The following RO60 variants were observed in gnomAD, a reference collection of about 807,000 sequenced individuals.
The protein encoded by RO60 is Ro60, Y RNA binding protein.
A neutral mutation model predicts 55.3 loss-of-function variants in RO60; 20 were observed. The ratio of observed to expected loss-of-function variants is 0.36; its 90% CI spans 0.25 to 0.53. The LOEUF is 0.53. Ranked by LOEUF, RO60 falls within the 20% of genes least tolerant of loss-of-function variation. The pLI is 0.92. For synonymous variants in RO60, 213 were observed against 213.6 expected (o/e 1.00, Z 0.02); for missense variants, 558 against 646.6 (o/e 0.86, Z 1.49).
chr1:193,079,380 C>T (rs1041010381), intron 5 of RO60, among the ~76,000 whole-genome samples: 7 of 152,184 alleles, frequency 4.6e-5, no homozygotes, highest in African/African-American at 1.2e-4. Flanking sequence ...TGAACCACTG[C>T]ATCTGGATGT....
chr1:193,066,812 C>T (rs1314401294), intron 1 of RO60, among the ~76,000 whole-genome samples: 1 of 152,184 alleles, frequency 6.6e-6, no homozygotes, highest in South Asian at 2.1e-4. Context: ...TATGGCTCTA[C>T]AGGATGCTTA....
At chr1:193,076,725 C>A in intron 4 of RO60, 78 bp downstream of exon 4, 4 of 1,436,560 alleles carry the variant, frequency 2.8e-6, no homozygotes. Context: ...GCCGTCAGTG[C>A]ATTTTTAAGG....
intron 8 of RO60, among the ~76,000 whole-genome samples, chr1:193,083,461 A>T (rs1158742530): frequency 2.6e-5 from 4 of 152,212 alleles, no homozygotes; most frequent in Non-Finnish European, 4.4e-5. Flanking sequence ...TCACTCTCCA[A>T]TGTGGGTTGC....
At chr1:193,079,961 TAAAAAAAAAAAAA>T (rs754439147) in intron 5 of RO60, among the ~76,000 whole-genome samples, 1 of 115,610 alleles carries the variant, frequency 8.6e-6, no homozygotes, top group Non-Finnish European at 1.8e-5. Context: ...ACCCCGTCTC[TAAAAAAAAAAAAA>T]AAAAAAATTA....
At chr1:193,072,525 TTTTGTG>T (rs1340897971) in intron 2 of RO60, among the ~76,000 whole-genome samples, 2 of 152,088 alleles carry the variant, frequency 1.3e-5, no homozygotes, top group Non-Finnish European at 2.9e-5. Flanking sequence ...TAGGTTTATG[TTTTGTG>T]TTAGGATTAG....
chr1:193,084,321 A>T (rs753621355), intron 8 of RO60, among the ~76,000 whole-genome samples: 1 of 152,238 alleles, frequency 6.6e-6, no homozygotes, highest in South Asian at 2.1e-4. Flanking sequence ...AGGCTGCTCA[A>T]TAATGTACAC....
intron 1 of RO60, among the ~76,000 whole-genome samples, chr1:193,065,407 A>G (rs563708319): frequency 6.6e-6 from 1 of 152,340 alleles, no homozygotes; most frequent in South Asian, 2.1e-4. Flanking sequence ...CAGGAAAGCA[A>G]GTTTAGTAGA....
chr1:193,081,612 T>C (rs1674318485), intron 6 of RO60, 132 bp downstream of exon 6: 3 of 571,816 alleles, frequency 5.2e-6, no homozygotes, highest in Non-Finnish European at 9.2e-6. Flanking sequence ...TTTTTAATTT[T>C]ATATTTAAAG....
intron 1 of RO60, among the ~76,000 whole-genome samples, chr1:193,061,764 C>T (rs1326144124): frequency 6.6e-6 from 1 of 152,208 alleles, no homozygotes; most frequent in East Asian, 1.9e-4. Flanking sequence ...GCGGGTGGAT[C>T]ACGAGGTCAG....
chr1:193,064,422 G>C (rs1672978009), intron 1 of RO60, among the ~76,000 whole-genome samples: 1 of 152,182 alleles, frequency 6.6e-6, no homozygotes, highest in Non-Finnish European at 1.5e-5. Context: ...ACTTTCTGCT[G>C]GGTATTATGT....
At chr1:193,064,399 A>C (rs1207894728) in intron 1 of RO60, among the ~76,000 whole-genome samples, 1 of 152,144 alleles carries the variant, frequency 6.6e-6, no homozygotes, top group Non-Finnish European at 1.5e-5. Context: ...AGGAAATACC[A>C]CGGGTTTTTG....
At chr1:193,071,049 G>T (rs1252935238) in intron 2 of RO60, among the ~76,000 whole-genome samples, 1 of 152,174 alleles carries the variant, frequency 6.6e-6, no homozygotes, top group Non-Finnish European at 1.5e-5. Context: ...AGGGCAGGGT[G>T]GTTTCAGAAT....
At chr1:193,073,785 G>A (rs1235647814) in intron 2 of RO60, among the ~76,000 whole-genome samples, 4 of 152,116 alleles carry the variant, frequency 2.6e-5, no homozygotes, top group East Asian at 1.9e-4. Context: ...TGTGCACAAC[G>A]TGCAGGTTTG....
intron 2 of RO60, among the ~76,000 whole-genome samples, chr1:193,070,879 T>C (rs1673444264): frequency 6.6e-6 from 1 of 152,248 alleles, no homozygotes; most frequent in Non-Finnish European, 1.5e-5. Flanking sequence ...ACATTTTATT[T>C]TGATTTTATT....
chr1:193,083,294 A>G (rs1674443383), intron 8 of RO60, among the ~76,000 whole-genome samples: 1 of 152,198 alleles, frequency 6.6e-6, no homozygotes, highest in Admixed American at 6.5e-5. Context: ...AGTTTTTTTT[A>G]ATAATTCAGT....
chr1:193,070,441 C>T (rs1572073411), intron 2 of RO60: 1 of 322,770 alleles, frequency 3.1e-6, no homozygotes, highest in East Asian at 8.2e-5. Context: ...ATTACTAGTC[C>T]TTTTAAGAAA....
At chr1:193,084,503 AGT>A in intron 8 of RO60, 74 bp from the exon 9 acceptor site, 1 of 1,446,136 alleles carries the variant, frequency 6.9e-7, no homozygotes, top group Non-Finnish European at 9.2e-7. Context: ...GAAATGTTAA[AGT>A]GTTTTAATTT....
In RO60 at chr1:193,085,408, C is replaced by CT. The variant is rs1674581842; in HGVS notation, c.*678dup. 2 of 985,436 alleles carry CT rather than the reference C, an allele frequency of 2.0e-6. No individual in the cohort carries two copies. Among genetic ancestry groups the CT allele is most frequent in the South Asian group, 4.7e-5 (1 of 21,302 alleles). 61.0% of individuals were successfully genotyped at this position (985,436 alleles called of 1,614,324 possible). On this transcript the variant is annotated 3_prime_UTR_variant, in exon 9 of 9. Transcript: ENST00000400968. The stretch of plus-strand genomic sequence containing the variant: ...CATCATGGCAACCCCTAAGAATAGA[C>CT]TAAGTTTGTGTTGGCTGAGGGATTC...
intron 7 of RO60, 67 bp downstream of exon 7, chr1:193,082,366 G>C: frequency 7.2e-7 from 1 of 1,382,396 alleles, no homozygotes. Context: ...ATTTTATATT[G>C]ATGTCATGTA....
Sources: gnomAD v4.1 joint callset for allele counts (sites outside exome capture counted in the v4.1 genomes callset) on GRCh38, gnomAD v4.1.1 for gene constraint, MANE v1.5 for transcripts, NCBI Gene and HGNC (gene_info 2026-07-23, HGNC 2026-07-21) for gene names.